The following CMTM3 variants were observed in gnomAD, a reference collection of about 807,000 sequenced individuals.
CMTM3 encodes CKLF like MARVEL transmembrane domain containing 3, also known as CKLF-like MARVEL transmembrane domain-containing protein 3.
In CMTM3, 7 loss-of-function variants were observed where a neutral mutation model predicts 18.2. That is an observed-to-expected ratio of 0.38 (90% CI 0.22 to 0.72). CMTM3 has a LOEUF of 0.72. Among genes scored for constraint, CMTM3 ranks in the 30% least tolerant of loss-of-function variants. CMTM3 has a pLI of 0.46. For synonymous variants in CMTM3, 109 were observed against 111.2 expected (o/e 0.98, Z 0.12); for missense variants, 227 against 249.2 (o/e 0.91, Z 0.60).
rs1055818377 is a variant in CMTM3, at chr16:66,609,599, G to A, written c.399+69G>A. ...TAGCCCCTCATTTAGGGTGGGACCT[G>A]GGGCAGAGCCTTTCCCTGCTGGGGC... On this transcript the variant is annotated intron_variant, in intron 3 of 4. Transcript: ENST00000567572. The surrounding 1 kb of genome is among the most constrained non-coding windows in gnomAD (Gnocchi z 4.4). 2.0e-6 allele frequency: 3 copies of A among 1,524,340 alleles called. No individual in the cohort carries two copies. The highest frequency in any genetic ancestry group is 2.8e-5 in the African/African-American group (2 of 72,624). 94.4% of individuals were successfully genotyped at this position (1,524,340 alleles called of 1,614,324 possible). A position where few individuals can be genotyped will look rare whatever the true frequency, so the allele number is the denominator to read the frequency against.
rs2290198 is a variant in CMTM3 at position 66,610,187 on chromosome 16, G to A, written c.520+184G>A. On this transcript the variant is annotated intron_variant, in intron 4 of 4. Coordinates refer to ENST00000567572, the MANE Select transcript of CMTM3 (RefSeq NM_181553.4). This position sits in a 1 kb window ranked among gnomAD's most constrained non-coding sequence, Gnocchi z 4.6. The stretch of plus-strand genomic sequence containing the variant: ...ATCCAAAGCCAGTCCCATTCGCCTC[G>A]TGCACCCTCACCCCAGCCTTTCTAG... The A allele has an allele frequency of 3.7e-3, 2,651 of 720,138 alleles. 58 individuals carry two copies. The Admixed American group carries it at 0.041, about 11-fold the overall frequency. 44.6% of individuals were successfully genotyped at this position (720,138 alleles called of 1,614,324 possible).
intron 1 of CMTM3, among the ~76,000 whole-genome samples, chr16:66,607,360 T>C (rs573493806): frequency 6.6e-6 from 1 of 152,362 alleles, no homozygotes; most frequent in African/African-American, 2.4e-5. Flanking sequence ...TGGCCCTGTA[T>C]GAATAAGGCA....
chr16:66,608,202 T>G lies in CMTM3; in HGVS notation c.148-107T>G. ...GCTGCGGGACTGTGAGCAGTTGGCT[T>G]CCCCTGCTGGAACCTCCTCTATCCT... is the stretch of plus-strand genomic sequence containing the variant. On this transcript the variant is annotated intron_variant, in intron 1 of 4. Coordinates refer to ENST00000567572, the MANE Select transcript of CMTM3 (RefSeq NM_181553.4). This position sits in a 1 kb window ranked among gnomAD's most constrained non-coding sequence, Gnocchi z 5.1. 1 of 1,259,368 alleles carries G rather than the reference T, an allele frequency of 7.9e-7. No homozygotes were observed. 78.0% of individuals were successfully genotyped at this position (1,259,368 alleles called of 1,614,324 possible). A position where few individuals can be genotyped will look rare whatever the true frequency, so the allele number is the denominator to read the frequency against.
intron 1 of CMTM3, among the ~76,000 whole-genome samples, chr16:66,607,760 G>C (rs568100878): frequency 6.6e-6 from 1 of 152,266 alleles, no homozygotes; most frequent in African/African-American, 2.4e-5. Context: ...AGGGAGCTGG[G>C]GTGGGGTAAG....
At position 66,612,521 on chromosome 16, in the gene CMTM3, A is replaced by G. The variant is rs367622306; in HGVS notation, c.521-88A>G. On this transcript the variant is annotated intron_variant, in intron 4 of 4. Transcript: ENST00000567572. The surrounding 1 kb of genome is among the most constrained non-coding windows in gnomAD (Gnocchi z 6.0). ...GGAGGCCTGCACCCAGGCTCCTGCC[A>G]GCAACCCAGCTGTGCTTCCCCAGAG... is the stretch of plus-strand genomic sequence containing the variant. The G allele has an allele frequency of 6.4e-6, 9 of 1,410,780 alleles. No homozygotes were observed. Among genetic ancestry groups the G allele is most frequent in the African/African-American group, 2.8e-5 (2 of 70,764 alleles). The allele number at this position is 1,410,780 out of a possible 1,614,324, so 87.4% of individuals were successfully genotyped here.
chr16:66,604,752 G>C lies in CMTM3; in HGVS notation c.-54G>C. The C allele has an allele frequency of 1.7e-6, 2 of 1,206,864 alleles. No homozygotes were observed. The highest frequency in any genetic ancestry group is 2.1e-6 in the Non-Finnish European group (2 of 970,002). The allele number at this position is 1,206,864 out of a possible 1,614,324, so 74.8% of individuals were successfully genotyped here. A position where few individuals can be genotyped will look rare whatever the true frequency, so the allele number is the denominator to read the frequency against. ...ACAGCCCGGGTTTCCGCTTCCCTCC[G>C]GGCGCGAGAAGAGGGGAGCCAGGCC... On this transcript the variant is annotated 5_prime_UTR_variant, in exon 1 of 5. Transcript: ENST00000567572.
Position 66,612,509 on chromosome 16 carries a change from C to G in CMTM3, c.521-100C>G. The stretch of plus-strand genomic sequence containing the variant: ...GAGTCAGCTGCAGGAGGCCTGCACC[C>G]AGGCTCCTGCCAGCAACCCAGCTGT... On this transcript the variant is annotated intron_variant, in intron 4 of 4. Transcript: ENST00000567572. This position sits in a 1 kb window ranked among gnomAD's most constrained non-coding sequence, Gnocchi z 6.0. 2.4e-6 allele frequency: 3 copies of G among 1,271,004 alleles called. No homozygotes were observed. The highest frequency in any genetic ancestry group is 2.6e-5 in the South Asian group (2 of 77,036). 78.7% of individuals were successfully genotyped at this position (1,271,004 alleles called of 1,614,324 possible).
rs2015130722 is a variant in CMTM3, at chr16:66,605,856, G to A, written c.147+904G>A. 6.6e-6 allele frequency among the ~76,000 whole-genome samples: 1 copy of A among 152,148 alleles called. No individual in the cohort carries two copies. Among genetic ancestry groups the A allele is most frequent in the Admixed American group, 6.5e-5 (1 of 15,284 alleles). Reference sequence around the variant, plus strand: ...TGGTCACTCAGGGCAGAGGGCAGAAGGTGGTCCTGCAGCCTCTCCCACGGT... The same window carrying A: ...TGGTCACTCAGGGCAGAGGGCAGAAAGTGGTCCTGCAGCCTCTCCCACGGT... On this transcript the variant is annotated intron_variant, in intron 1 of 4. Coordinates refer to ENST00000567572, the MANE Select transcript of CMTM3 (RefSeq NM_181553.4). The surrounding 1 kb of genome is among the most constrained non-coding windows in gnomAD (Gnocchi z 4.6).
At position 66,605,245 on chromosome 16, in the gene CMTM3, G is replaced by A. The variant is rs2015095541; in HGVS notation, c.147+293G>A. On this transcript the variant is annotated intron_variant, in intron 1 of 4. Coordinates refer to ENST00000567572, the MANE Select transcript of CMTM3 (RefSeq NM_181553.4). The surrounding 1 kb of genome is among the most constrained non-coding windows in gnomAD (Gnocchi z 4.6). The stretch of plus-strand genomic sequence containing the variant: ...CGGGGATGTGGGTCCTGCTGTGTGA[G>A]CCAGGCGCCCCCGCCCTCTCTGGGC... The A allele has an allele frequency of 1.1e-5, 3 of 280,264 alleles. No individual in the cohort carries two copies. In the South Asian group the frequency reaches 3.9e-4, roughly 36 times the overall value. 17.4% of individuals were successfully genotyped at this position (280,264 alleles called of 1,614,324 possible).
Position 66,604,960 on chromosome 16 carries a change from C to T in CMTM3, c.147+8C>T. On this transcript the variant is annotated splice_region_variant and intron_variant, in intron 1 of 4. Transcript: ENST00000567572. Reference sequence around the variant, plus strand: ...CTCCTGCTGGCCGAGTCGGTGAGTGCGGCGGGACCCTCGGCCGCCCCGCTA... The same window carrying T: ...CTCCTGCTGGCCGAGTCGGTGAGTGTGGCGGGACCCTCGGCCGCCCCGCTA... 6.7e-7 allele frequency: 1 copy of T among 1,491,336 alleles called. No individual in the cohort carries two copies. Among genetic ancestry groups the T allele is most frequent in the Non-Finnish European group, 8.8e-7 (1 of 1,130,256 alleles). The allele number at this position is 1,491,336 out of a possible 1,614,324, so 92.4% of individuals were successfully genotyped here.
chr16:66,604,568 G>A (rs893026531), upstream of CMTM3: 1 of 326,334 alleles, frequency 3.1e-6, no homozygotes, highest in Non-Finnish European at 5.5e-6. Flanking sequence ...GGAGTCTGCG[G>A]AGGCCCCAGG....
chr16:66,605,228 T>G lies in CMTM3; in HGVS notation c.147+276T>G. The G allele has an allele frequency of 3.2e-6, 1 of 313,374 alleles. No individual in the cohort carries two copies. Among genetic ancestry groups the G allele is most frequent in the Non-Finnish European group, 5.9e-6 (1 of 170,528 alleles). The allele number at this position is 313,374 out of a possible 1,614,324, so 19.4% of individuals were successfully genotyped here. On this transcript the variant is annotated intron_variant, in intron 1 of 4. Transcript: ENST00000567572. This position sits in a 1 kb window ranked among gnomAD's most constrained non-coding sequence, Gnocchi z 4.6. ...GGGAAGTGGGTGGGGCCCGGGGATG[T>G]GGGTCCTGCTGTGTGAGCCAGGCGC... is the stretch of plus-strand genomic sequence containing the variant.
At chr16:66,607,214 G>A (rs570238528) in intron 1 of CMTM3, among the ~76,000 whole-genome samples, 27 of 152,324 alleles carry the variant, frequency 1.8e-4, no homozygotes, top group African/African-American at 6.0e-4. Flanking sequence ...GCTCTGCAGC[G>A]TACCTGGGCT....
At chr16:66,604,589 G>T, upstream of CMTM3, 2 of 345,990 alleles carry the variant, frequency 5.8e-6, no homozygotes, top group East Asian at 9.3e-5. Flanking sequence ...CCGGGGAGGG[G>T]GCGGGTCGGG....
rs1257425144 is a variant in CMTM3, at chr16:66,608,487, G to A, written c.303+23G>A. 6.2e-7 allele frequency: 1 copy of A among 1,611,910 alleles called. No homozygotes were observed. The highest frequency in any genetic ancestry group is 8.5e-7 in the Non-Finnish European group (1 of 1,179,852). On this transcript the variant is annotated intron_variant, in intron 2 of 4. Transcript: ENST00000567572. This position sits in a 1 kb window ranked among gnomAD's most constrained non-coding sequence, Gnocchi z 5.1. ...ATGGTGAGGACAGGGGCCCCAGGAG[G>A]GAGGGGTGCCCTGCACAAAGTGGCC...
At position 66,613,068 on chromosome 16, in the gene CMTM3, G is replaced by A. The variant is rs1424216167; in HGVS notation, c.*431G>A. On this transcript the variant is annotated 3_prime_UTR_variant, in exon 5 of 5. Transcript: ENST00000567572. ...GACAGGGCTGCCCCGCCAGGCCCCG[G>A]TGGGTTTGTCTGCACTTGGTGCTCC... The A allele has an allele frequency of 1.1e-5, 8 of 703,016 alleles. No homozygotes were observed. Among genetic ancestry groups the A allele is most frequent in the Non-Finnish European group, 2.1e-5 (8 of 385,006 alleles). 43.5% of individuals were successfully genotyped at this position (703,016 alleles called of 1,614,324 possible).
In CMTM3 at chr16:66,609,839, C is replaced by T. The variant is rs755858431; in HGVS notation, c.400-44C>T. 6.2e-7 allele frequency: 1 copy of T among 1,614,208 alleles called. No homozygotes were observed. The highest frequency in any genetic ancestry group is 8.5e-7 in the Non-Finnish European group (1 of 1,180,030). On this transcript the variant is annotated intron_variant, in intron 3 of 4. Coordinates refer to ENST00000567572, the MANE Select transcript of CMTM3 (RefSeq NM_181553.4). The surrounding 1 kb of genome is among the most constrained non-coding windows in gnomAD (Gnocchi z 4.4). ...AGGCTGGGGCAGCAGCCTCCCGGAG[C>T]AGGGAGTCAGCCCTGTGATGCATCC...
In CMTM3 at chr16:66,604,903, C is replaced by A. The variant is rs1255223288; in HGVS notation, c.98C>A (p.Ala33Glu). Residue 33 changes from alanine (A) to glutamate (E), a missense_variant, in exon 1 of 5, where the codon GCG becomes GAG. Ala to Glu is a moderately radical substitution (Grantham distance 107). Coordinates refer to ENST00000567572, the MANE Select transcript of CMTM3 (RefSeq NM_181553.4). ...CCCGGGCTCCGCGCCCTGCTGCCGGCGCGGGCTTTCCTCTGCTCTCTCAAA... is the reference window on the plus strand; with the variant it reads ...CCCGGGCTCCGCGCCCTGCTGCCGGAGCGGGCTTTCCTCTGCTCTCTCAAA... ...AVPGLRALLP[A>E]RAFLCSLKGR... 3.4e-6 allele frequency: 5 copies of A among 1,460,274 alleles called. No individual in the cohort carries two copies. The highest frequency in any genetic ancestry group is 4.5e-6 in the Non-Finnish European group (5 of 1,112,658). 90.5% of individuals were successfully genotyped at this position (1,460,274 alleles called of 1,614,324 possible).
Position 66,609,539 on chromosome 16 carries a change from C to T in CMTM3, c.399+9C>T. On this transcript the variant is annotated intron_variant, in intron 3 of 4. Coordinates refer to ENST00000567572, the MANE Select transcript of CMTM3 (RefSeq NM_181553.4). This position sits in a 1 kb window ranked among gnomAD's most constrained non-coding sequence, Gnocchi z 4.4. ...CTTCCAAAGCCGCTGGGGTGAGCAGCCGCCCCACCCCTCTGGAAACTGCAG... is the reference window on the plus strand; with the variant it reads ...CTTCCAAAGCCGCTGGGGTGAGCAGTCGCCCCACCCCTCTGGAAACTGCAG... 6.3e-7 allele frequency: 1 copy of T among 1,583,282 alleles called. No individual in the cohort carries two copies.
Sources: gnomAD v4.1 joint callset for allele counts (sites outside exome capture counted in the v4.1 genomes callset) on GRCh38, gnomAD v4.1.1 for gene constraint, Gnocchi (gnomAD v3.1) non-coding constraint, MANE v1.5 for transcripts, NCBI Gene and HGNC (gene_info 2026-07-23, HGNC 2026-07-21) for gene names.